The following WWP2 variants were observed in gnomAD, a reference collection of about 807,000 sequenced individuals.
The protein encoded by WWP2 is NEDD4-like E3 ubiquitin-protein ligase WWP2.
In WWP2, 57 loss-of-function variants were observed where a neutral mutation model predicts 121.0. The observed-to-expected ratio is 0.47, with a 90% CI of 0.38 to 0.59. WWP2 has a LOEUF of 0.59. Ranked by LOEUF, WWP2 falls within the 20% of genes least tolerant of loss-of-function variation. The probability of loss-of-function intolerance (pLI) is 0.00; values close to 1 mark genes in which losing one functional copy is unlikely to be tolerated. For synonymous variants in WWP2, 449 were observed against 441.3 expected, an observed-to-expected ratio of 1.02 and a Z score of -0.22; for missense variants, 962 against 1,158.9, an observed-to-expected ratio of 0.83 and a Z score of 2.47.
intron 6 of WWP2, among the ~76,000 whole-genome samples, chr16:69,852,673 GTTCATGT>G (rs946662472): frequency 5.1e-5 from 3 of 58,698 alleles, no homozygotes; most frequent in African/African-American, 1.7e-4. Flanking sequence ...AAATCTGGTT[GTTCATGT>G]TCTTATTGTT....
chr16:69,815,120 A>G (rs1181872095), intron 4 of WWP2, among the ~76,000 whole-genome samples: 2 of 152,046 alleles, frequency 1.3e-5, no homozygotes, highest in African/African-American at 2.4e-5. Flanking sequence ...CTCCTGCCTC[A>G]GACTCCTGAG....
At position 69,820,676 on chromosome 16, in the gene WWP2, C is replaced by T. The variant is rs1235082418; in HGVS notation, c.341-19450C>T. Among the ~76,000 whole-genome samples, 7 of 119,940 alleles carry T rather than the reference C, an allele frequency of 5.8e-5. 2 individuals carry two copies. The highest frequency in any genetic ancestry group is 1.9e-4 in the Admixed American group (2 of 10,750). 78.7% of individuals were successfully genotyped at this position (119,940 alleles called of 152,430 possible). A position where few individuals can be genotyped will look rare whatever the true frequency, so the allele number is the denominator to read the frequency against. The stretch of plus-strand genomic sequence containing the variant: ...CTTCTCTGCTTTATTTTCTTGTAAG[C>T]GGTTCTCCCCATATACTACTGTTTA... On this transcript the variant is annotated intron_variant, in intron 4 of 23. Coordinates refer to ENST00000359154, the MANE Select transcript of WWP2 (RefSeq NM_001270454.2).
At chr16:69,840,566 G>T (rs1310647356) in intron 5 of WWP2, among the ~76,000 whole-genome samples, 4 of 152,128 alleles carry the variant, frequency 2.6e-5, no homozygotes, top group African/African-American at 4.8e-5. Flanking sequence ...TGTGACTTTG[G>T]CCCATTATTT....
chr16:69,819,831 A>C (rs1165225183), intron 4 of WWP2, among the ~76,000 whole-genome samples: 3 of 152,218 alleles, frequency 2.0e-5, no homozygotes, highest in African/African-American at 7.2e-5. Context: ...CAATCGCCCC[A>C]GTGAGATCCT....
At chr16:69,900,883 T>A (rs1416684368) in intron 8 of WWP2, among the ~76,000 whole-genome samples, 1 of 152,192 alleles carries the variant, frequency 6.6e-6, no homozygotes, top group Non-Finnish European at 1.5e-5. Context: ...GAAGAAAGAC[T>A]TAATTCAGGA....
intron 8 of WWP2, among the ~76,000 whole-genome samples, chr16:69,903,632 G>T (rs1386268535): frequency 6.6e-6 from 1 of 152,072 alleles, no homozygotes; most frequent in Non-Finnish European, 1.5e-5. Context: ...GCCAGGTGTG[G>T]TGGCGCATAC....
At chr16:69,795,267 C>T (rs867233760) in intron 2 of WWP2, among the ~76,000 whole-genome samples, 2,095 of 151,438 alleles carry the variant, frequency 0.014, 44 homozygotes, top group African/African-American at 0.045. Flanking sequence ...GATACACACA[C>T]ACACACACAC....
intron 9 of WWP2, among the ~76,000 whole-genome samples, chr16:69,914,901 C>T (rs926133462): frequency 1.3e-5 from 2 of 152,218 alleles, no homozygotes; most frequent in Admixed American, 6.5e-5. Flanking sequence ...TTGGAAGCTA[C>T]TCCATGATTT....
intron 8 of WWP2, among the ~76,000 whole-genome samples, chr16:69,891,735 C>G (rs139343045): frequency 6.6e-4 from 100 of 152,312 alleles, no homozygotes; most frequent in Middle Eastern, 6.8e-3. Flanking sequence ...CCAGTTCTCT[C>G]CTGACTCACT....
intron 4 of WWP2, among the ~76,000 whole-genome samples, chr16:69,818,572 G>C (rs1041721660): frequency 1.3e-5 from 2 of 152,128 alleles, no homozygotes; most frequent in African/African-American, 4.8e-5. Context: ...CTTGTCCCAA[G>C]GTCGCCAGTG....
chr16:69,778,072 A>AATATATATATATATATATAT (rs138021233), intron 1 of WWP2, among the ~76,000 whole-genome samples: 1 of 137,532 alleles, frequency 7.3e-6, no homozygotes, highest in Admixed American at 7.7e-5. Context: ...CCCTGTCTCA[A>AATATATATATATATATATAT]ATATATATAT....
In WWP2 at chr16:69,934,093, C is replaced by T. The variant is rs1402913537; in HGVS notation, c.1806C>T (p.Leu602=). The change falls in exon 17 of 24, where the codon CTC becomes CTT. Residue 602 remains leucine (L), a synonymous_variant. Coordinates refer to ENST00000359154, the MANE Select transcript of WWP2 (RefSeq NM_001270454.2). ...NPASSINPDH[L]TYFRFIGRFI... is the part of the protein sequence containing the mutation. Reference sequence around the variant, plus strand: ...CCTCCTCCATCAACCCGGACCACCTCACCTACTTTCGCTTTATAGGCAGAT... The same window carrying T: ...CCTCCTCCATCAACCCGGACCACCTTACCTACTTTCGCTTTATAGGCAGAT... 79 of 1,614,108 alleles carry T rather than the reference C, an allele frequency of 4.9e-5. No homozygotes were observed. The highest frequency in any genetic ancestry group is 6.1e-5 in the Non-Finnish European group (72 of 1,180,034).
rs779707234 is a variant in WWP2, at chr16:69,929,496, G to T, written c.1283G>T (p.Arg428Leu). 9 of 1,613,960 alleles carry T rather than the reference G, an allele frequency of 5.6e-6. No homozygotes were observed. Among genetic ancestry groups the T allele is most frequent in the South Asian group, 3.3e-5 (3 of 91,080 alleles). The part of the protein sequence containing the change: ...GRVYYVNHNT[R>L]TTQWEDPRTQ... ...GTGTATTACGTGAACCATAACACTC[G>T]CACGACCCAGTGGGAGGATCCCCGG... is the stretch of plus-strand genomic sequence containing the variant. The change falls in exon 12 of 24, where the codon CGC becomes CTC. Residue 428 changes from arginine to leucine, a missense_variant. Coordinates refer to ENST00000359154, the MANE Select transcript of WWP2 (RefSeq NM_001270454.2).
intron 6 of WWP2, among the ~76,000 whole-genome samples, chr16:69,850,386 C>CA (rs575466932): frequency 0.47 from 55,154 of 117,732 alleles, 12,182 homozygotes; most frequent in South Asian, 0.56. Flanking sequence ...GACTCCATCT[C>CA]AAAAAAAAAA....
At chr16:69,767,099 G>T (rs2038749663) in intron 1 of WWP2, among the ~76,000 whole-genome samples, 1 of 151,212 alleles carries the variant, frequency 6.6e-6, no homozygotes, top group African/African-American at 2.4e-5. Context: ...TCTTAATGAG[G>T]CTACTCTTCC....
intron 4 of WWP2, among the ~76,000 whole-genome samples, chr16:69,829,170 C>T (rs117686760): frequency 0.043 from 6,480 of 152,252 alleles, 184 homozygotes; most frequent in Non-Finnish European, 0.058. Context: ...CAAGTCTGCC[C>T]ACTTCTTCAG....
At chr16:69,891,456 G>A (rs2058025793) in intron 8 of WWP2, among the ~76,000 whole-genome samples, 1 of 152,208 alleles carries the variant, frequency 6.6e-6, no homozygotes, top group African/African-American at 2.4e-5. Flanking sequence ...AAATGCAGCA[G>A]CTGAATTGAG....
At chr16:69,926,386 G>C (rs1178321341) in intron 11 of WWP2, among the ~76,000 whole-genome samples, 1 of 152,110 alleles carries the variant, frequency 6.6e-6, no homozygotes, top group Non-Finnish European at 1.5e-5. Context: ...ACGTTGGTTT[G>C]GTGGTGTTGA....
intron 9 of WWP2, among the ~76,000 whole-genome samples, chr16:69,916,024 G>A (rs867773532): frequency 7.5e-6 from 1 of 134,058 alleles, no homozygotes; most frequent in Admixed American, 7.9e-5. Flanking sequence ...GACTAACAGA[G>A]TGAGACCCTG....
Sources: allele counts gnomAD v4.1 joint callset (sites outside exome capture counted in the v4.1 genomes callset), GRCh38; gene constraint gnomAD v4.1.1; transcripts MANE v1.5; gene names NCBI Gene and HGNC (gene_info 2026-07-23, HGNC 2026-07-21).